ATXN7: variants seen among roughly 807,000 people sequenced by gnomAD.
ATXN7 encodes ataxin-7.
ATXN7 carries 12 observed loss-of-function variants against 70.5 expected under a neutral mutation model. The ratio of observed to expected loss-of-function variants is 0.17; its 90% CI spans 0.11 to 0.28. The LOEUF is 0.28. Among genes scored for constraint, ATXN7 ranks in the 10% least tolerant of loss-of-function variants. ATXN7 has a pLI of 1.00. For missense variants in ATXN7, 1,256 were observed against 1,131.7 expected, an observed-to-expected ratio of 1.11 and a Z score of -1.58; for synonymous variants, 498 against 448.7, an observed-to-expected ratio of 1.11 and a Z score of -1.39.
At chr3:63,948,657 T>C (rs957675927) in intron 4 of ATXN7, among the ~76,000 whole-genome samples, 5 of 152,180 alleles carry the variant, frequency 3.3e-5, no homozygotes, top group African/African-American at 7.2e-5. Flanking sequence ...GTTTGGGGTA[T>C]GGTTTCTAGC....
chr3:63,982,465 C>A lies in ATXN7; in HGVS notation c.1012+20C>A. Reference sequence around the variant, plus strand: ...TATCAGGTAACTTCAAATTTTCTTTCTTCATAATGCTTCTCTATATATTAA... The same window carrying A: ...TATCAGGTAACTTCAAATTTTCTTTATTCATAATGCTTCTCTATATATTAA... On this transcript the variant is annotated intron_variant, in intron 7 of 12. Transcript: ENST00000674280. 1 of 1,547,914 alleles carries A rather than the reference C, an allele frequency of 6.5e-7. No homozygotes were observed. The highest frequency in any genetic ancestry group is 8.8e-7 in the Non-Finnish European group (1 of 1,130,078).
Position 63,995,744 on chromosome 3 carries a change from T to C in ATXN7, c.1922T>C (p.Met641Thr). The change falls in exon 12 of 13, where the codon ATG becomes ACG. Residue 641 changes from methionine to threonine, a missense_variant. Met to Thr is a moderately conservative substitution (Grantham distance 81). Transcript: ENST00000674280. ...ASGAMDPVCS[M>T]QSRQVSSSSS... ...GGGGCGATGGATCCTGTGTGCAGTA[T>C]GCAATCCAGACAAGTGTCCTCTTCA... 1.2e-6 allele frequency: 2 copies of C among 1,614,264 alleles called. No homozygotes were observed. Among genetic ancestry groups the C allele is most frequent in the Non-Finnish European group, 1.7e-6 (2 of 1,180,048 alleles).
At chr3:63,885,177 A>G (rs1194033474) in intron 1 of ATXN7, among the ~76,000 whole-genome samples, 2 of 152,230 alleles carry the variant, frequency 1.3e-5, no homozygotes, top group Admixed American at 1.3e-4. Context: ...GAGTGAAAAG[A>G]CAATCAACAC....
intron 10 of ATXN7, 90 bp downstream of exon 10, chr3:63,990,464 C>T (rs1263732679): frequency 2.0e-6 from 3 of 1,491,694 alleles, no homozygotes; most frequent in Admixed American, 1.7e-5. Context: ...TTGGCATGCC[C>T]GTATGTGTGG....
At chr3:63,918,416 C>G (rs1575893794) in intron 4 of ATXN7, among the ~76,000 whole-genome samples, 2 of 152,196 alleles carry the variant, frequency 1.3e-5, no homozygotes, top group East Asian at 3.9e-4. Flanking sequence ...TTTCTTTTGT[C>G]TTCTTTTCTC....
At chr3:63,910,590 A>G (rs73117041) in intron 2 of ATXN7, among the ~76,000 whole-genome samples, 2,159 of 152,256 alleles carry the variant, frequency 0.014, 23 homozygotes, top group Middle Eastern at 0.034. Flanking sequence ...AGGGAACTCT[A>G]TTCCTGTCAA....
intron 1 of ATXN7, among the ~76,000 whole-genome samples, chr3:63,875,055 C>T (rs1445580604): frequency 6.6e-6 from 1 of 152,154 alleles, no homozygotes; most frequent in Non-Finnish European, 1.5e-5. Context: ...ATGACCTAAT[C>T]ACCCTGCAGA....
chr3:63,886,069 A>C (rs1703077370), intron 1 of ATXN7, among the ~76,000 whole-genome samples: 1 of 152,248 alleles, frequency 6.6e-6, no homozygotes, highest in Non-Finnish European at 1.5e-5. Context: ...AAGACTGTTC[A>C]GCTTTAAAAA....
chr3:63,938,315 A>G (rs570647333), intron 4 of ATXN7, among the ~76,000 whole-genome samples: 1 of 152,354 alleles, frequency 6.6e-6, no homozygotes, highest in African/African-American at 2.4e-5. Flanking sequence ...AAATAAGCAG[A>G]TGAACTAACG....
At chr3:63,967,421 TA>T (rs1380381557) in intron 5 of ATXN7, among the ~76,000 whole-genome samples, 1 of 152,166 alleles carries the variant, frequency 6.6e-6, no homozygotes, top group Non-Finnish European at 1.5e-5. Context: ...GTAGATAGTA[TA>T]GGGGAAATAA....
In ATXN7 at chr3:63,988,203, C is replaced by G. The variant is rs1307155950; in HGVS notation, c.1240C>G (p.Pro414Ala). Residue 414 changes from proline to alanine, a missense_variant, in exon 9 of 13, where the codon CCG becomes GCG. Pro to Ala is a conservative substitution (Grantham distance 27). Transcript: ENST00000674280. ...GCAACCACCGCAGCCTCTCAGGGAC[C>G]CGCATCCCGCCCCTCCTAGAACGTC... ...SQQPPQPLRDPHPAPPRTSQE... is the reference protein window; with the variant it reads ...SQQPPQPLRDAHPAPPRTSQE... 11 of 1,613,910 alleles carry G rather than the reference C, an allele frequency of 6.8e-6. No homozygotes were observed. The highest frequency in any genetic ancestry group is 2.2e-5 in the East Asian group (1 of 44,880).
At position 63,980,034 on chromosome 3, in the gene ATXN7, T is replaced by G; in HGVS notation, c.619T>G (p.Ser207Ala). ...GGSASGSNRS[S>A]SGGVLSASSS... is the part of the protein sequence containing the mutation. The stretch of plus-strand genomic sequence containing the variant: ...CAGTGCAAGTGGAAGCAACCGTTCT[T>G]CCAGTGGAGGTGTTCTTAGCGCATC... The change falls in exon 6 of 13, where the codon TCC becomes GCC. Residue 207 changes from serine to alanine, a missense_variant. Ser to Ala is a moderately conservative substitution (Grantham distance 99). Transcript: ENST00000674280. 1 of 1,614,206 alleles carries G rather than the reference T, an allele frequency of 6.2e-7. No individual in the cohort carries two copies. The highest frequency in any genetic ancestry group is 8.5e-7 in the Non-Finnish European group (1 of 1,180,046).
At chr3:63,950,241 G>A (rs1268005533) in intron 4 of ATXN7, among the ~76,000 whole-genome samples, 3 of 152,164 alleles carry the variant, frequency 2.0e-5, no homozygotes, top group African/African-American at 7.2e-5. Flanking sequence ...TATTTGAAAG[G>A]ATCAGTTTAG....
chr3:63,871,304 CA>C (rs1702584653), intron 1 of ATXN7, among the ~76,000 whole-genome samples: 1 of 151,990 alleles, frequency 6.6e-6, no homozygotes, highest in African/African-American at 2.4e-5. Flanking sequence ...AATTGTTTGC[CA>C]TTTTATATAT....
At chr3:63,884,203 GCA>G (rs57391192) in intron 1 of ATXN7, among the ~76,000 whole-genome samples, 8,022 of 142,932 alleles carry the variant, frequency 0.056, 497 homozygotes, top group African/African-American at 0.16. Context: ...AATAACATGC[GCA>G]CACACACACA....
At chr3:63,902,093 A>C (rs866560323) in intron 2 of ATXN7, 1 of 152,198 alleles carries the variant, frequency 6.6e-6, no homozygotes, top group African/African-American at 2.4e-5. Context: ...GAATGTACTA[A>C]ATGTCATCAA....
chr3:63,988,489 C>T, intron 9 of ATXN7, 165 bp downstream of exon 9: 2 of 962,328 alleles, frequency 2.1e-6, no homozygotes, highest in Non-Finnish European at 3.0e-6. Context: ...AGGTTGAGTT[C>T]AGTAAGTTTC....
chr3:63,915,038 C>T (rs979976463), intron 4 of ATXN7, among the ~76,000 whole-genome samples: 1 of 152,124 alleles, frequency 6.6e-6, no homozygotes, highest in African/African-American at 2.4e-5. Context: ...CAGGTTCAAG[C>T]GATTCTCCTG....
At chr3:63,994,957 C>G (rs2106801248) in intron 11 of ATXN7, among the ~76,000 whole-genome samples, 1 of 152,304 alleles carries the variant, frequency 6.6e-6, no homozygotes, top group East Asian at 1.9e-4. Flanking sequence ...GCTTTATTCC[C>G]TTGTTCAGGC....
Sources: allele counts gnomAD v4.1 joint callset (sites outside exome capture counted in the v4.1 genomes callset), GRCh38; gene constraint gnomAD v4.1.1; transcripts MANE v1.5; gene names NCBI Gene and HGNC (gene_info 2026-07-23, HGNC 2026-07-21).